Variants in STX17 observed in about 807,000 individuals in gnomAD.
STX17 encodes the protein syntaxin-17.
STX17 carries 29 observed loss-of-function variants against 35.9 expected under a neutral mutation model. That is an observed-to-expected ratio of 0.81 (90% CI 0.60 to 1.10). The LOEUF (loss-of-function observed/expected upper bound fraction) is 1.10, where lower values mean the gene tolerates loss of function less well. STX17 is among the 50% of genes least tolerant of loss of function. The pLI, the probability that STX17 is intolerant of heterozygous loss-of-function variation, is 0.00. For synonymous variants in STX17, 92 were observed against 118.3 expected (o/e 0.78, Z 1.44); for missense variants, 312 against 352.3 (o/e 0.89, Z 0.92).
intron 4 of STX17, among the ~76,000 whole-genome samples, chr9:99,958,385 A>G (rs1273907233): frequency 6.6e-6 from 1 of 152,222 alleles, no homozygotes; most frequent in African/African-American, 2.4e-5. Context: ...TTATTAGACT[A>G]TACTGACTGA....
chr9:99,948,672 T>C (rs1436057286), intron 3 of STX17, among the ~76,000 whole-genome samples: 1 of 152,166 alleles, frequency 6.6e-6, no homozygotes, highest in East Asian at 1.9e-4. Flanking sequence ...TAACTTTAAG[T>C]GTTGATTAAA....
intron 2 of STX17, among the ~76,000 whole-genome samples, chr9:99,921,435 GTTA>G (rs1828884959): frequency 6.6e-6 from 1 of 151,776 alleles, no homozygotes. Context: ...TGTTATATTT[GTTA>G]TTATATGGAA....
At chr9:99,923,129 T>C (rs1263896538) in intron 2 of STX17, among the ~76,000 whole-genome samples, 2 of 152,160 alleles carry the variant, frequency 1.3e-5, no homozygotes, top group Non-Finnish European at 2.9e-5. Context: ...CTTTTTTTTC[T>C]TCCAACTTTT....
At chr9:99,912,509 A>C (rs185800536) in intron 1 of STX17, among the ~76,000 whole-genome samples, 22 of 152,280 alleles carry the variant, frequency 1.4e-4, no homozygotes, top group African/African-American at 4.8e-4. Context: ...CATACATTCT[A>C]GATATTAGTC....
chr9:99,933,426 T>A (rs897806692), intron 3 of STX17, among the ~76,000 whole-genome samples: 4 of 152,190 alleles, frequency 2.6e-5, no homozygotes, highest in Non-Finnish European at 5.9e-5. Flanking sequence ...GTCCTCCATA[T>A]GAAATTCAGA....
chr9:99,973,967 G>A lies in STX17; in HGVS notation c.*5294G>A, dbSNP rs1321897397. On this transcript the variant is annotated 3_prime_UTR_variant, in exon 8 of 8. Transcript: ENST00000259400. ...AAGGTTCAAACTGGTAATAAACCAT[G>A]TTTACATTTTTCTGGTCTAAAATAA... Among the ~76,000 whole-genome samples, 1 of 152,132 alleles carries A rather than the reference G, an allele frequency of 6.6e-6. No individual in the cohort carries two copies. The highest frequency in any genetic ancestry group is 6.5e-5 in the Admixed American group (1 of 15,284).
intron 3 of STX17, among the ~76,000 whole-genome samples, chr9:99,934,834 AT>A (rs1490825720): frequency 6.6e-6 from 1 of 152,236 alleles, no homozygotes; most frequent in African/African-American, 2.4e-5. Flanking sequence ...TAAATACATA[AT>A]TAGCCATTTT....
chr9:99,948,146 A>G (rs1829520760), intron 3 of STX17, among the ~76,000 whole-genome samples: 1 of 152,014 alleles, frequency 6.6e-6, no homozygotes, highest in Non-Finnish European at 1.5e-5. Flanking sequence ...TAGTTGCCCT[A>G]TCCAATGTAG....
At chr9:99,944,015 A>C (rs1004601522) in intron 3 of STX17, among the ~76,000 whole-genome samples, 1 of 151,476 alleles carries the variant, frequency 6.6e-6, no homozygotes, top group Non-Finnish European at 1.5e-5. Flanking sequence ...TAATTATATG[A>C]CTATTTTGGT....
chr9:99,927,674 A>G (rs1390361695), intron 2 of STX17, among the ~76,000 whole-genome samples: 2 of 152,048 alleles, frequency 1.3e-5, no homozygotes, highest in Non-Finnish European at 2.9e-5. Flanking sequence ...ACGGGGTTTC[A>G]CCATGTTGGC....
intron 1 of STX17, among the ~76,000 whole-genome samples, chr9:99,908,107 T>C (rs1828586978): frequency 6.6e-6 from 1 of 152,238 alleles, no homozygotes; most frequent in Non-Finnish European, 1.5e-5. Context: ...AACACAAAAG[T>C]GTGTGTGCCC....
At chr9:99,914,349 A>T (rs1053165128) in intron 1 of STX17, among the ~76,000 whole-genome samples, 2 of 152,194 alleles carry the variant, frequency 1.3e-5, no homozygotes, top group Admixed American at 6.5e-5. Context: ...GATAAGCTCC[A>T]ATTCATAAAA....
intron 2 of STX17, 88 bp downstream of exon 2, chr9:99,915,450 A>G: frequency 6.9e-7 from 1 of 1,458,276 alleles, no homozygotes; most frequent in Non-Finnish European, 9.1e-7. Flanking sequence ...AGAATATTAG[A>G]TAAGAGGCAT....
At chr9:99,950,527 G>A (rs1829571462) in intron 3 of STX17, among the ~76,000 whole-genome samples, 1 of 151,936 alleles carries the variant, frequency 6.6e-6, no homozygotes, top group African/African-American at 2.4e-5. Flanking sequence ...GTTGATCACC[G>A]AAGGAGTGAC....
At chr9:99,935,119 A>G (rs1470869629) in intron 3 of STX17, among the ~76,000 whole-genome samples, 1 of 152,046 alleles carries the variant, frequency 6.6e-6, no homozygotes, top group Non-Finnish European at 1.5e-5. Flanking sequence ...TCACGAGGTC[A>G]GGAGATCGAG....
At chr9:99,946,486 A>G (rs901713622) in intron 3 of STX17, among the ~76,000 whole-genome samples, 4 of 152,194 alleles carry the variant, frequency 2.6e-5, no homozygotes, top group Admixed American at 2.0e-4. Flanking sequence ...TTATATAAAT[A>G]TTTCTAAACA....
intron 4 of STX17, among the ~76,000 whole-genome samples, chr9:99,958,729 A>G (rs1444898812): frequency 6.6e-6 from 1 of 152,246 alleles, no homozygotes; most frequent in Non-Finnish European, 1.5e-5. Flanking sequence ...AGCAGGTAGT[A>G]GGCATTTAAT....
At position 99,968,693 on chromosome 9, in the gene STX17, T is replaced by C. The variant is rs771210131; in HGVS notation, c.*20T>C. The C allele has an allele frequency of 3.7e-6, 6 of 1,606,746 alleles. No homozygotes were observed. The Admixed American group carries it at 8.4e-5, about 22-fold the overall frequency. ...AGTTAAAAACCAAATTTCAGTATTA[T>C]TGGTGCCAACATGTCTATCCTGAGG... On this transcript the variant is annotated 3_prime_UTR_variant, in exon 8 of 8. Coordinates refer to ENST00000259400, the MANE Select transcript of STX17 (RefSeq NM_017919.3).
chr9:99,920,597 T>A (rs1828867233), intron 2 of STX17, among the ~76,000 whole-genome samples: 1 of 152,202 alleles, frequency 6.6e-6, no homozygotes, highest in Non-Finnish European at 1.5e-5. Flanking sequence ...GCATAGTAAT[T>A]GGCTAAATTA....
Sources: gnomAD v4.1 joint callset for allele counts (sites outside exome capture counted in the v4.1 genomes callset) on GRCh38, gnomAD v4.1.1 for gene constraint, MANE v1.5 for transcripts, NCBI Gene and HGNC (gene_info 2026-07-23, HGNC 2026-07-21) for gene names.